The following QSER1 variants were observed in gnomAD, a reference collection of about 807,000 sequenced individuals.
QSER1 encodes the protein glutamine and serine rich 1.
A neutral mutation model predicts 158.5 loss-of-function variants in QSER1; 49 were observed. That is an observed-to-expected ratio of 0.31 (90% CI 0.25 to 0.39). The LOEUF is 0.39. Ranked by LOEUF, QSER1 falls within the 10% of genes least tolerant of loss-of-function variation. The pLI, the probability that QSER1 is intolerant of heterozygous loss-of-function variation, is 1.00. For synonymous variants in QSER1, 650 were observed against 715.5 expected, an observed-to-expected ratio of 0.91 and a Z score of 1.46; for missense variants, 1,754 against 2,010.3, an observed-to-expected ratio of 0.87 and a Z score of 2.44.
chr11:32,958,733 C>T (rs1423790897), intron 8 of QSER1, among the ~76,000 whole-genome samples: 1 of 152,050 alleles, frequency 6.6e-6, no homozygotes, highest in Non-Finnish European at 1.5e-5. Flanking sequence ...AATAACTAAG[C>T]CTAGGAAAGG....
chr11:32,958,149 C>G (rs1852556920), intron 8 of QSER1, 63 bp downstream of exon 8: 2 of 1,252,284 alleles, frequency 1.6e-6, no homozygotes, highest in South Asian at 2.6e-5. Context: ...TGGTGAGGAG[C>G]AGGATGCTGA....
chr11:32,900,430 G>A (rs1282829570), intron 1 of QSER1, among the ~76,000 whole-genome samples: 1 of 152,054 alleles, frequency 6.6e-6, no homozygotes, highest in African/African-American at 2.4e-5. Flanking sequence ...ATGGTGGCAG[G>A]TGCCTGTAGT....
At chr11:32,975,518 T>C in intron 12 of QSER1, 175 bp downstream of exon 12, 1 of 1,469,060 alleles carries the variant, frequency 6.8e-7, no homozygotes, top group South Asian at 1.2e-5. Flanking sequence ...CTGCTATGTT[T>C]TGTGCTCAGA....
chr11:32,970,946 CTTTTTTTTTTTTT>C (rs776051259), intron 10 of QSER1, among the ~76,000 whole-genome samples: 2 of 76,870 alleles, frequency 2.6e-5, no homozygotes, highest in African/African-American at 1.1e-4. Flanking sequence ...AAGCAATTTG[CTTTTTTTTTTTTT>C]TTTTTTTTTT....
chr11:32,907,344 A>G (rs556326830), intron 1 of QSER1, among the ~76,000 whole-genome samples: 4 of 152,352 alleles, frequency 2.6e-5, no homozygotes, highest in South Asian at 4.1e-4. Flanking sequence ...AACATTTGTA[A>G]TTCTAGTTCA....
In QSER1 at chr11:32,956,140, G is replaced by A; in HGVS notation, c.4751+19G>A. 1 of 1,596,330 alleles carries A rather than the reference G, an allele frequency of 6.3e-7. No individual in the cohort carries two copies. Among genetic ancestry groups the A allele is most frequent in the Middle Eastern group, 2.1e-4 (1 of 4,654 alleles). ...CTATCAGGTATTTGTTTTCTTAGGT[G>A]ATATATTTGTGCATATATATAGGTG... On this transcript the variant is annotated intron_variant, in intron 7 of 12. Transcript: ENST00000650167.
At chr11:32,955,906 A>G (rs911730157) in intron 6 of QSER1, 82 bp from the exon 7 acceptor site, 5 of 1,306,116 alleles carry the variant, frequency 3.8e-6, no homozygotes, top group Admixed American at 2.3e-5. Flanking sequence ...AAGGTTGGCT[A>G]TGGGATAGTC....
intron 7 of QSER1, among the ~76,000 whole-genome samples, chr11:32,956,956 G>T (rs2133586019): frequency 2.6e-5 from 4 of 151,944 alleles, no homozygotes; most frequent in Admixed American, 2.6e-4. Flanking sequence ...ATAGGGATGG[G>T]ATTTTACCAT....
chr11:32,905,352 A>G (rs184825066), intron 1 of QSER1, among the ~76,000 whole-genome samples: 2 of 152,348 alleles, frequency 1.3e-5, no homozygotes, highest in Non-Finnish European at 2.9e-5. Context: ...AACATTTCTC[A>G]GGTTGAGCAA....
Position 32,932,064 on chromosome 11 carries a change from C to G in QSER1, c.806C>G (p.Ser269Cys). The G allele has an allele frequency of 6.2e-7, 1 of 1,614,208 alleles. No individual in the cohort carries two copies. Among genetic ancestry groups the G allele is most frequent in the Non-Finnish European group, 8.5e-7 (1 of 1,180,034 alleles). Reference sequence around the variant, plus strand: ...TCAACATACCGCTCAGCTCAAGAGTCTGCACCCCATCTTTTACAACCTCAA... The same window carrying G: ...TCAACATACCGCTCAGCTCAAGAGTGTGCACCCCATCTTTTACAACCTCAA... Reference protein sequence around the residue: ...QSSTYRSAQESAPHLLQPQFS... With the variant: ...QSSTYRSAQECAPHLLQPQFS... Residue 269 changes from serine to cysteine, a missense_variant, in exon 4 of 13, where the codon TCT becomes TGT. Physicochemically the swap from Ser to Cys is moderately radical, Grantham distance 112. Around this residue, in one of 2 missense-constraint regions of QSER1, gnomAD observed 1,707 missense variants for 1,919.6 expected, o/e 0.89. Coordinates refer to ENST00000650167, the MANE Select transcript of QSER1 (RefSeq NM_001076786.3).
chr11:32,917,644 G>C (rs752999043), intron 1 of QSER1, among the ~76,000 whole-genome samples: 23 of 151,876 alleles, frequency 1.5e-4, no homozygotes, highest in Non-Finnish European at 2.8e-4. Flanking sequence ...TAGCCAACAT[G>C]GTGAAACCCC....
At chr11:32,895,671 T>G (rs1851545299) in intron 1 of QSER1, among the ~76,000 whole-genome samples, 1 of 152,194 alleles carries the variant, frequency 6.6e-6, no homozygotes, top group South Asian at 2.1e-4. Context: ...CATAAAGAAT[T>G]AGCCTGTCTG....
Position 32,935,210 on chromosome 11 carries a change from C to T in QSER1, c.3952C>T (p.Pro1318Ser). 6.2e-7 allele frequency: 1 copy of T among 1,613,886 alleles called. No homozygotes were observed. The highest frequency in any genetic ancestry group is 8.5e-7 in the Non-Finnish European group (1 of 1,179,868). The stretch of plus-strand genomic sequence containing the variant: ...GACCCAGATGGTTCGTACATTTTGT[C>T]CCCCACCACTTCCCAAGCCTTCATC... ...PGTQMVRTFC[P>S]PPLPKPSSTT... The change falls in exon 4 of 13, where the codon CCC (proline) becomes TCC (serine). Residue 1318 changes from proline to serine, a missense_variant. This residue lies in a region of QSER1 where 1,707 missense variants were observed against 1,919.6 expected (regional missense o/e 0.89). Coordinates refer to ENST00000650167, the MANE Select transcript of QSER1 (RefSeq NM_001076786.3).
intron 10 of QSER1, among the ~76,000 whole-genome samples, chr11:32,969,431 T>A (rs1852810151): frequency 6.6e-6 from 1 of 152,270 alleles, no homozygotes. Flanking sequence ...TTGTCTGTAA[T>A]TAAAATTAGC....
chr11:32,975,257 G>T lies in QSER1; in HGVS notation c.5368G>T (p.Val1790Phe). The T allele has an allele frequency of 6.4e-7, 1 of 1,559,478 alleles. No individual in the cohort carries two copies. Among genetic ancestry groups the T allele is most frequent in the East Asian group, 2.3e-5 (1 of 44,268 alleles). Residue 1790 changes from valine to phenylalanine, a missense_variant, in exon 12 of 13, where the codon GTC becomes TTC. Transcript: ENST00000650167. ...TTTKSAQEFAVDPEKIQLYSL... is the reference protein window; with the variant it reads ...TTTKSAQEFAFDPEKIQLYSL... ...TTTTTTCTTTTTATAGGAGTTTGCTGTCGATCCAGAGAAAATACAGTTGTA... is the reference window on the plus strand; with the variant it reads ...TTTTTTCTTTTTATAGGAGTTTGCTTTCGATCCAGAGAAAATACAGTTGTA...
chr11:32,972,712 A>T (rs2133613377), intron 10 of QSER1, among the ~76,000 whole-genome samples: 1 of 152,272 alleles, frequency 6.6e-6, no homozygotes, highest in East Asian at 1.9e-4. Flanking sequence ...CTGGGATTAC[A>T]GGCATGAGCC....
chr11:32,939,112 A>G (rs1852194094), intron 4 of QSER1, among the ~76,000 whole-genome samples: 1 of 152,202 alleles, frequency 6.6e-6, no homozygotes. Flanking sequence ...ATTTACTATT[A>G]TCAAGTCAGT....
At chr11:32,968,411 A>G (rs1294221273) in intron 9 of QSER1, among the ~76,000 whole-genome samples, 1 of 152,240 alleles carries the variant, frequency 6.6e-6, no homozygotes, top group African/African-American at 2.4e-5. Flanking sequence ...TTCTAAAAGT[A>G]CTTTTCTTAA....
Position 32,935,062 on chromosome 11 carries a change from G to A in QSER1, c.3804G>A (p.Glu1268=), listed in dbSNP as rs1258164923. The stretch of plus-strand genomic sequence containing the variant: ...TGAGACAGAAGATCAAAGAGGTGGA[G>A]GAAAAACAACCAGAAGTCAAAACAG... ...EKMRQKIKEV[E]EKQPEVKTGF... The change falls in exon 4 of 13, where the codon GAG becomes GAA. Residue 1268 remains glutamate (E), a synonymous_variant. Coordinates refer to ENST00000650167, the MANE Select transcript of QSER1 (RefSeq NM_001076786.3). 16 of 1,614,094 alleles carry A rather than the reference G, an allele frequency of 9.9e-6. No individual in the cohort carries two copies. Among genetic ancestry groups the A allele is most frequent in the African/African-American group, 1.3e-5 (1 of 75,038 alleles).
Sources: allele counts gnomAD v4.1 joint callset (sites outside exome capture counted in the v4.1 genomes callset), GRCh38; gene constraint gnomAD v4.1.1; regional missense constraint gnomAD v4.1.1; transcripts MANE v1.5; gene names NCBI Gene and HGNC (gene_info 2026-07-23, HGNC 2026-07-21).